Variants in CDK5RAP2 observed in about 807,000 individuals in gnomAD.
CDK5RAP2 encodes the protein CDK5 regulatory subunit-associated protein 2.
In CDK5RAP2, 147 loss-of-function variants were observed where a neutral mutation model predicts 232.9. The observed-to-expected ratio is 0.63, with a 90% CI of 0.55 to 0.72. The LOEUF (loss-of-function observed/expected upper bound fraction) is 0.72, where lower values mean the gene tolerates loss of function less well. CDK5RAP2 is among the 30% of genes least tolerant of loss of function. The pLI is 0.00. For missense variants in CDK5RAP2, 2,195 were observed against 2,231.5 expected (o/e 0.98, Z 0.33); for synonymous variants, 833 against 833.7 (o/e 1.00, Z 0.01).
Position 120,453,732 on chromosome 9 carries a change from G to A in CDK5RAP2, c.2517C>T (p.Thr839=), listed in dbSNP as rs752576509. ...CATCATGTGGCTTGGAAAATGAGTT[G>A]GTTTGGACAAAATGTACAAGTTCAC... ...QKGELVHFVQ[T]NSFSKPHDEL... is the part of the protein sequence containing the mutation. The change falls in exon 21 of 38, where the codon ACC becomes ACT. Residue 839 remains threonine (T), a synonymous_variant. Transcript: ENST00000349780. The A allele has an allele frequency of 5.6e-6, 9 of 1,614,150 alleles. No individual in the cohort carries two copies. Among genetic ancestry groups the A allele is most frequent in the Non-Finnish European group, 7.6e-6 (9 of 1,180,014 alleles).
chr9:120,475,130 G>A (rs1487249129), intron 15 of CDK5RAP2, among the ~76,000 whole-genome samples: 2 of 152,190 alleles, frequency 1.3e-5, no homozygotes, highest in African/African-American at 2.4e-5. Context: ...AGACATCTAA[G>A]TAGGTAGGTA....
chr9:120,400,409 A>G (rs1215338346), intron 35 of CDK5RAP2, among the ~76,000 whole-genome samples: 1 of 152,232 alleles, frequency 6.6e-6, no homozygotes, highest in East Asian at 1.9e-4. Flanking sequence ...CCTATAAAAT[A>G]AAAGAATAAA....
chr9:120,429,145 C>T (rs2131421464), intron 25 of CDK5RAP2, among the ~76,000 whole-genome samples: 1 of 152,128 alleles, frequency 6.6e-6, no homozygotes, highest in Admixed American at 6.5e-5. Flanking sequence ...AACCCACAGC[C>T]AATATCATAC....
intron 18 of CDK5RAP2, among the ~76,000 whole-genome samples, chr9:120,466,165 C>A (rs2037368306): frequency 6.6e-6 from 1 of 152,208 alleles, no homozygotes; most frequent in African/African-American, 2.4e-5. Flanking sequence ...CATACCCAGA[C>A]CTCACTTTGC....
chr9:120,468,668 G>T (rs2037520826), intron 17 of CDK5RAP2, among the ~76,000 whole-genome samples: 1 of 152,240 alleles, frequency 6.6e-6, no homozygotes, highest in Admixed American at 6.5e-5. Flanking sequence ...CAGCTGGGGT[G>T]TCTGGAGAAT....
intron 3 of CDK5RAP2, among the ~76,000 whole-genome samples, chr9:120,551,372 C>G (rs1470749568): frequency 5.3e-5 from 8 of 152,100 alleles, no homozygotes; most frequent in Admixed American, 6.6e-5. Context: ...ACATATCACC[C>G]ACAAATGGCT....
chr9:120,539,763 G>C (rs78521156), intron 5 of CDK5RAP2, among the ~76,000 whole-genome samples: 3,692 of 152,278 alleles, frequency 0.024, 155 homozygotes, highest in African/African-American at 0.083. Context: ...GAATTGATTT[G>C]TAGAAAGGGA....
intron 12 of CDK5RAP2, among the ~76,000 whole-genome samples, chr9:120,503,541 C>T (rs1564308288): frequency 6.6e-6 from 1 of 152,180 alleles, no homozygotes. Flanking sequence ...TTTTCCAAAC[C>T]TCCTTCGATA....
intron 11 of CDK5RAP2, among the ~76,000 whole-genome samples, chr9:120,523,713 G>A (rs1165876391): frequency 6.6e-6 from 1 of 152,168 alleles, no homozygotes; most frequent in African/African-American, 2.4e-5. Flanking sequence ...GGTGGGAGGA[G>A]GAAGCTTTAG....
In CDK5RAP2 at chr9:120,477,439, T is replaced by C. The variant is rs2131564376; in HGVS notation, c.1638A>G (p.Gln546=). The C allele has an allele frequency of 1.9e-6, 3 of 1,612,810 alleles. No homozygotes were observed. Among genetic ancestry groups the C allele is most frequent in the East Asian group, 4.5e-5 (2 of 44,886 alleles). The change falls in exon 15 of 38, where the codon CAA becomes CAG. Residue 546 remains glutamine, a synonymous_variant. Coordinates refer to ENST00000349780, the MANE Select transcript of CDK5RAP2 (RefSeq NM_018249.6). ...GAATCAGCTCTTCATAGTCTGATGA[T>C]TGTTTCTTTTCCTGGAAATGACAAT... ...SKTIFSKEKK[Q]SSDYEELIQV... is the part of the protein sequence containing the mutation.
chr9:120,529,199 T>G (rs1356648845), intron 8 of CDK5RAP2, among the ~76,000 whole-genome samples: 1 of 152,224 alleles, frequency 6.6e-6, no homozygotes, highest in Non-Finnish European at 1.5e-5. Context: ...CCCTGCTCCA[T>G]GAAGAAACCA....
At chr9:120,458,057 G>C (rs1275700539) in intron 20 of CDK5RAP2, among the ~76,000 whole-genome samples, 2 of 152,164 alleles carry the variant, frequency 1.3e-5, no homozygotes, top group African/African-American at 4.8e-5. Context: ...AATGAGAAGA[G>C]AACTTTAATT....
intron 16 of CDK5RAP2, among the ~76,000 whole-genome samples, chr9:120,470,790 A>G (rs2037657007): frequency 2.1e-5 from 3 of 140,666 alleles, no homozygotes; most frequent in Admixed American, 7.2e-5. Flanking sequence ...CAATTCTAAT[A>G]GGAAGGGGAG....
At chr9:120,439,136 G>A (rs2035748841) in intron 24 of CDK5RAP2, among the ~76,000 whole-genome samples, 2 of 152,120 alleles carry the variant, frequency 1.3e-5, no homozygotes, top group South Asian at 4.2e-4. Flanking sequence ...AACTTGAGGA[G>A]GGCGAAATCT....
chr9:120,409,182 T>C lies in CDK5RAP2; in HGVS notation c.4549A>G (p.Arg1517Gly). 1 of 1,613,672 alleles carries C rather than the reference T, an allele frequency of 6.2e-7. No individual in the cohort carries two copies. The highest frequency in any genetic ancestry group is 8.5e-7 in the Non-Finnish European group (1 of 1,180,036). The change falls in exon 30 of 38, where the codon AGA (arginine) becomes GGA (glycine). Residue 1517 changes from arginine to glycine, a missense_variant. Coordinates refer to ENST00000349780, the MANE Select transcript of CDK5RAP2 (RefSeq NM_018249.6). ...RLQKEGSEKERHNQQLIQEVR... is the reference protein window; with the variant it reads ...RLQKEGSEKEGHNQQLIQEVR... The stretch of plus-strand genomic sequence containing the variant: ...TCCTGGATCAGCTGCTGGTTGTGTC[T>C]CTCCTTCTCGCTGCCTTCTTTCTGC...
intron 12 of CDK5RAP2, among the ~76,000 whole-genome samples, chr9:120,506,953 T>A (rs2039845017): frequency 6.6e-6 from 1 of 152,170 alleles, no homozygotes; most frequent in African/African-American, 2.4e-5. Flanking sequence ...TTGAAAGAAG[T>A]TCTACTGTGG....
chr9:120,467,669 A>G (rs992355808), intron 18 of CDK5RAP2, among the ~76,000 whole-genome samples, 191 bp downstream of exon 18: 1 of 152,028 alleles, frequency 6.6e-6, no homozygotes, highest in African/African-American at 2.4e-5. Context: ...TTTTTGAGAC[A>G]GGGTCTCGCT....
chr9:120,466,549 T>C (rs1210360247), intron 18 of CDK5RAP2, among the ~76,000 whole-genome samples: 1 of 151,056 alleles, frequency 6.6e-6, no homozygotes, highest in African/African-American at 2.4e-5. Flanking sequence ...TTTAACAGAT[T>C]TTTTTTTTAA....
intron 21 of CDK5RAP2, among the ~76,000 whole-genome samples, chr9:120,448,746 C>G (rs1362168035): frequency 6.6e-6 from 1 of 152,170 alleles, no homozygotes; most frequent in Non-Finnish European, 1.5e-5. Context: ...AATCTAGAAC[C>G]ATGGCAATGA....
Sources: gnomAD v4.1 joint callset for allele counts (sites outside exome capture counted in the v4.1 genomes callset) on GRCh38, gnomAD v4.1.1 for gene constraint, MANE v1.5 for transcripts, NCBI Gene and HGNC (gene_info 2026-07-23, HGNC 2026-07-21) for gene names.